IL1RAPL1: variants seen among roughly 807,000 people sequenced by gnomAD.
IL1RAPL1 encodes the protein interleukin-1 receptor accessory protein-like 1.
IL1RAPL1 carries 3 observed loss-of-function variants against 48.4 expected under a neutral mutation model. The observed-to-expected ratio is 0.06, with a 90% confidence interval of 0.03 to 0.16. IL1RAPL1 has a LOEUF of 0.16. IL1RAPL1 is among the 10% of genes least tolerant of loss of function. The pLI is 1.00. For synonymous variants in IL1RAPL1, 185 were observed against 187.7 expected, an observed-to-expected ratio of 0.99 and a Z score of 0.12; for missense variants, 349 against 530.6, an observed-to-expected ratio of 0.66 and a Z score of 3.36.
intron 5 of IL1RAPL1, among the ~76,000 whole-genome samples, chrX:29,614,338 T>G (rs943834631): frequency 4.5e-5 from 5 of 112,243 alleles, no homozygotes; most frequent in Admixed American, 3.8e-4. Context: ...CTTTTGGGGC[T>G]TCTGTGACCC....
chrX:29,303,820 T>A (rs1230681456), intron 3 of IL1RAPL1, among the ~76,000 whole-genome samples: 1 of 112,225 alleles, frequency 8.9e-6, no homozygotes, highest in Non-Finnish European at 1.9e-5. Context: ...TTAGTGAGCA[T>A]CTTTGTTTGT....
At chrX:29,756,599 G>C (rs886494977) in intron 6 of IL1RAPL1, among the ~76,000 whole-genome samples, 2 of 110,255 alleles carry the variant, frequency 1.8e-5, no homozygotes, top group Non-Finnish European at 3.8e-5. Flanking sequence ...TTTTAATAGA[G>C]ACGGGGTTTC....
chrX:28,852,429 G>A (rs1208921223), intron 2 of IL1RAPL1, among the ~76,000 whole-genome samples: 1 of 109,299 alleles, frequency 9.1e-6, no homozygotes, highest in Admixed American at 9.8e-5. Context: ...ATTTTATGGT[G>A]TACTGTCTAT....
At chrX:29,552,379 G>A (rs1569337021) in intron 5 of IL1RAPL1, among the ~76,000 whole-genome samples, 1 of 111,069 alleles carries the variant, frequency 9.0e-6, no homozygotes, top group Non-Finnish European at 1.9e-5. Context: ...TATTTTTCAG[G>A]AGACGCACAT....
intron 1 of IL1RAPL1, among the ~76,000 whole-genome samples, chrX:28,773,814 A>T (rs1382901080): frequency 8.9e-6 from 1 of 111,841 alleles, no homozygotes; most frequent in Non-Finnish European, 1.9e-5. Context: ...GGCCCTATTG[A>T]CTTCACAGAA....
At chrX:29,943,466 T>A (rs2147252571) in intron 9 of IL1RAPL1, among the ~76,000 whole-genome samples, 1 of 112,211 alleles carries the variant, frequency 8.9e-6, no homozygotes, top group South Asian at 3.7e-4. Flanking sequence ...ACTGTAAGTG[T>A]CCAAGATGGG....
At chrX:29,917,896 G>A (rs1320421437) in intron 7 of IL1RAPL1, among the ~76,000 whole-genome samples, 1 of 106,965 alleles carries the variant, frequency 9.3e-6, no homozygotes, top group African/African-American at 3.4e-5. Flanking sequence ...GTCAGATTGG[G>A]CGGATTGCTT....
At chrX:28,762,823 C>CACAG (rs1268556014) in intron 1 of IL1RAPL1, among the ~76,000 whole-genome samples, 541 of 36,621 alleles carry the variant, frequency 0.015, 5 homozygotes, top group East Asian at 0.035. Flanking sequence ...CACACACACA[C>CACAG]AGAGAGAGAG....
rs772320291 is a variant in IL1RAPL1 at position 28,933,873 on chromosome X, T to A, written c.82+144448T>A. 2.7e-5 allele frequency among the ~76,000 whole-genome samples: 3 copies of A among 111,938 alleles called. No homozygotes were observed. The East Asian group carries it at 8.5e-4, about 32-fold the overall frequency. ...CTTTTAAACCATGTAGGGTAACTTT[T>A]GGATGTTGCCATGGCATTTGTAAAC... On this transcript the variant is annotated intron_variant, in intron 2 of 10. Transcript: ENST00000378993.
chrX:29,877,222 A>C (rs750233437), intron 6 of IL1RAPL1, among the ~76,000 whole-genome samples: 2 of 111,596 alleles, frequency 1.8e-5, no homozygotes, highest in South Asian at 7.5e-4. Context: ...GGCTGGAGGT[A>C]TTGCCTGCAT....
chrX:28,645,337 A>G (rs1934594922), intron 1 of IL1RAPL1, among the ~76,000 whole-genome samples: 1 of 87,562 alleles, frequency 1.1e-5, no homozygotes, highest in Non-Finnish European at 2.2e-5. Flanking sequence ...ACAAGAGTGA[A>G]ATTCCGCCTC....
At chrX:29,652,886 T>C (rs1925560709) in intron 5 of IL1RAPL1, among the ~76,000 whole-genome samples, 1 of 112,231 alleles carries the variant, frequency 8.9e-6, no homozygotes, top group East Asian at 2.8e-4. Context: ...ATTTCACTGA[T>C]GAATTGTATT....
chrX:28,749,405 C>T (rs931073664), intron 1 of IL1RAPL1, among the ~76,000 whole-genome samples: 1 of 111,915 alleles, frequency 8.9e-6, no homozygotes, highest in Admixed American at 9.5e-5. Flanking sequence ...TCCCTTTTCT[C>T]CAAATGCTCA....
chrX:29,425,930 A>G (rs756421675), intron 5 of IL1RAPL1, among the ~76,000 whole-genome samples: 17 of 111,490 alleles, frequency 1.5e-4, no homozygotes, highest in Non-Finnish European at 3.0e-4. Context: ...CAACTAGTAC[A>G]GTTTAGCCCT....
chrX:29,336,561 C>T (rs1012051709), intron 3 of IL1RAPL1, among the ~76,000 whole-genome samples: 14 of 109,856 alleles, frequency 1.3e-4, no homozygotes, highest in Admixed American at 2.0e-4. Context: ...TGCCAAAAGA[C>T]GTTAATAAGA....
intron 2 of IL1RAPL1, among the ~76,000 whole-genome samples, chrX:29,249,174 G>A (rs1480149541): frequency 9.0e-6 from 1 of 111,202 alleles, no homozygotes; most frequent in Non-Finnish European, 1.9e-5. Context: ...TGGGGAGATT[G>A]GAGTGGGACA....
intron 3 of IL1RAPL1, among the ~76,000 whole-genome samples, chrX:29,306,588 C>A: frequency 9.9e-6 from 1 of 101,184 alleles, no homozygotes; most frequent in Middle Eastern, 5.9e-3. Flanking sequence ...TATGGCCAGG[C>A]GCAGTGGCTC....
At chrX:29,680,405 T>C (rs1225911013) in intron 6 of IL1RAPL1, among the ~76,000 whole-genome samples, 1 of 111,349 alleles carries the variant, frequency 9.0e-6, no homozygotes, top group Non-Finnish European at 1.9e-5. Context: ...GAAATCCTAA[T>C]TGGCCTAGAA....
intron 2 of IL1RAPL1, among the ~76,000 whole-genome samples, chrX:29,185,828 A>G (rs1930240078): frequency 9.7e-6 from 1 of 102,574 alleles, no homozygotes; most frequent in Non-Finnish European, 2.0e-5. Context: ...GGGCTCAGGT[A>G]TCATGGTGTC....
Sources: allele counts gnomAD v4.1 joint callset (sites outside exome capture counted in the v4.1 genomes callset), GRCh38; gene constraint gnomAD v4.1.1; transcripts MANE v1.5; gene names NCBI Gene and HGNC (gene_info 2026-07-23, HGNC 2026-07-21).